Variants in PCDH15 observed in about 807,000 individuals in gnomAD.
PCDH15 encodes the protein protocadherin related 15, also known as protocadherin-15.
A neutral mutation model predicts 178.5 loss-of-function variants in PCDH15; 129 were observed. The observed-to-expected ratio is 0.72, with a 90% CI of 0.63 to 0.84. The LOEUF (loss-of-function observed/expected upper bound fraction) is 0.84. Ranked by LOEUF, PCDH15 falls within the 40% of genes least tolerant of loss-of-function variation. The pLI, the probability that PCDH15 is intolerant of heterozygous loss-of-function variation, is 0.00. For missense variants in PCDH15, 2,230 were observed against 2,099.9 expected (o/e 1.06, Z -1.21); for synonymous variants, 800 against 732.0 (o/e 1.09, Z -1.50).
At chr10:55,443,922 G>A (rs1839255143) in intron 2 of PCDH15, among the ~76,000 whole-genome samples, 1 of 152,044 alleles carries the variant, frequency 6.6e-6, no homozygotes, top group African/African-American at 2.4e-5. Context: ...AAGAAAATGT[G>A]GCACACATAA....
At chr10:54,490,484 ATAAAT>A (rs2079490412) in intron 3 of PCDH15, among the ~76,000 whole-genome samples, 1 of 151,658 alleles carries the variant, frequency 6.6e-6, no homozygotes, top group African/African-American at 2.4e-5. Flanking sequence ...TAACTAATAA[ATAAAT>A]AAATAATGTC....
intron 5 of PCDH15, among the ~76,000 whole-genome samples, chr10:54,367,150 AAAGGG>A (rs1314458999): frequency 1.3e-5 from 2 of 152,202 alleles, no homozygotes; most frequent in East Asian, 1.9e-4. Flanking sequence ...AAAGGCTAAG[AAAGGG>A]AGATATTTAT....
chr10:54,000,370 G>C (rs1408280868), intron 20 of PCDH15, among the ~76,000 whole-genome samples: 1 of 152,112 alleles, frequency 6.6e-6, no homozygotes, highest in African/African-American at 2.4e-5. Flanking sequence ...GGGAAACAGA[G>C]AGAGTGATCT....
At chr10:55,052,161 C>T (rs1841179426) in intron 2 of PCDH15, among the ~76,000 whole-genome samples, 2 of 151,162 alleles carry the variant, frequency 1.3e-5, no homozygotes, top group African/African-American at 4.9e-5. Context: ...GATCTCCGCT[C>T]ACTGCAAGCT....
At chr10:55,582,616 A>ATTTTT (rs1247006513) in intron 2 of PCDH15, among the ~76,000 whole-genome samples, 2 of 88,962 alleles carry the variant, frequency 2.2e-5, no homozygotes, top group African/African-American at 1.2e-4. Flanking sequence ...ATATATATAT[A>ATTTTT]TATATATATA....
At chr10:55,336,293 A>G (rs1270819918) in intron 2 of PCDH15, among the ~76,000 whole-genome samples, 2 of 151,954 alleles carry the variant, frequency 1.3e-5, no homozygotes, top group African/African-American at 4.8e-5. Context: ...AGGTCAAGGG[A>G]TTGAGACCAT....
Position 55,538,401 on chromosome 10 carries a change from C to T in PCDH15, c.-156+89224G>A, listed in dbSNP as rs556648198. Among the ~76,000 whole-genome samples, 582 of 70,334 alleles carry T rather than the reference C, an allele frequency of 8.3e-3. 30 individuals carry two copies. The highest frequency in any genetic ancestry group is 0.037 in the African/African-American group (534 of 14,532). 46.1% of individuals were successfully genotyped at this position (70,334 alleles called of 152,430 possible). ...TCCTTCCTTCCTTCCTTCCTTTCTTCCTTCCTTCCTTCCTCCCTCCCTCCC... is the reference window on the plus strand; with the variant it reads ...TCCTTCCTTCCTTCCTTCCTTTCTTTCTTCCTTCCTTCCTCCCTCCCTCCC... On this transcript the variant is annotated intron_variant, in intron 2 of 5. Coordinates refer to the PCDH15 transcript ENST00000613346.
At chr10:54,730,542 A>C (rs1018596947) in intron 1 of PCDH15, among the ~76,000 whole-genome samples, 2 of 151,572 alleles carry the variant, frequency 1.3e-5, no homozygotes, top group African/African-American at 4.8e-5. Flanking sequence ...CCAAACTTAA[A>C]ATAAAAGTTG....
intron 14 of PCDH15, among the ~76,000 whole-genome samples, chr10:54,134,581 G>A (rs111953829): frequency 0.017 from 2,547 of 151,422 alleles, 78 homozygotes; most frequent in African/African-American, 0.059. Context: ...GTGAAAGCCG[G>A]TCTCTACTAA....
At chr10:55,613,377 C>CA (rs1057182175) in intron 2 of PCDH15, among the ~76,000 whole-genome samples, 2 of 152,190 alleles carry the variant, frequency 1.3e-5, no homozygotes, top group East Asian at 1.9e-4. Flanking sequence ...GCAGCACCAA[C>CA]AAAAAACATA....
chr10:55,256,161 T>C (rs1455500709), intron 1 of PCDH15, among the ~76,000 whole-genome samples: 1 of 152,220 alleles, frequency 6.6e-6, no homozygotes, highest in South Asian at 2.1e-4. Flanking sequence ...TTCAGCTTTC[T>C]ACATATGGCT....
intron 2 of PCDH15, among the ~76,000 whole-genome samples, chr10:55,011,509 A>T (rs958197182): frequency 6.6e-5 from 10 of 152,124 alleles, no homozygotes; most frequent in African/African-American, 2.4e-4. Flanking sequence ...TCAATCCCTG[A>T]TACACAGATT....
intron 3 of PCDH15, among the ~76,000 whole-genome samples, chr10:54,415,496 A>G (rs1954207252): frequency 6.6e-6 from 1 of 152,140 alleles, no homozygotes; most frequent in Non-Finnish European, 1.5e-5. Context: ...TGTTGTCAAG[A>G]AGGCAGGAGA....
At chr10:54,895,707 G>C (rs191654267) in intron 3 of PCDH15, among the ~76,000 whole-genome samples, 1 of 152,066 alleles carries the variant, frequency 6.6e-6, no homozygotes, top group Admixed American at 6.5e-5. Flanking sequence ...TTTCTGTTTT[G>C]GTTACTGATA....
chr10:55,288,437 G>A (rs1363998475), intron 1 of PCDH15, among the ~76,000 whole-genome samples: 1 of 151,742 alleles, frequency 6.6e-6, no homozygotes. Context: ...ACACAATGTG[G>A]TATTGCTAAC....
rs546164755 is a variant in PCDH15 at position 53,999,275 on chromosome 10, G to C, written c.2752-3510C>G. ...ATGGAGCCGATACCTACTTTTACGT[G>C]GGTGTATGGTTGATTGTTTGCCTCT... On this transcript the variant is annotated intron_variant, in intron 20 of 37. Transcript: ENST00000644397. Among the ~76,000 whole-genome samples the C allele has an allele frequency of 5.9e-5, 9 of 152,206 alleles. No homozygotes were observed. In the South Asian group the frequency reaches 1.9e-3, roughly 32 times the overall value.
chr10:54,943,278 A>G (rs1176888654), intron 2 of PCDH15, among the ~76,000 whole-genome samples: 1 of 151,946 alleles, frequency 6.6e-6, no homozygotes, highest in Non-Finnish European at 1.5e-5. Flanking sequence ...CTCAAAGCCA[A>G]TAATGGTGGG....
intron 2 of PCDH15, among the ~76,000 whole-genome samples, chr10:55,566,817 T>C (rs933816460): frequency 5.9e-5 from 9 of 151,888 alleles, no homozygotes; most frequent in African/African-American, 1.9e-4. Flanking sequence ...ATATTCATGA[T>C]TGGAAGACTT....
intron 2 of PCDH15, among the ~76,000 whole-genome samples, chr10:54,571,647 T>G (rs2089860448): frequency 6.6e-6 from 1 of 152,150 alleles, no homozygotes. Context: ...AATAAGCTCT[T>G]CAGAGGTTTA....
Sources: gnomAD v4.1 joint callset for allele counts (sites outside exome capture counted in the v4.1 genomes callset) on GRCh38, gnomAD v4.1.1 for gene constraint, MANE v1.5 for transcripts, NCBI Gene and HGNC (gene_info 2026-07-23, HGNC 2026-07-21) for gene names.